CMIP: variants seen among roughly 807,000 people sequenced by gnomAD.
CMIP encodes the protein C-Maf-inducing protein.
Under a neutral mutation model 97.3 loss-of-function variants are expected in CMIP, and 13 were observed. The ratio of observed to expected loss-of-function variants is 0.13; its 90% confidence interval spans 0.09 to 0.21. The LOEUF is 0.21. CMIP is among the 10% of genes least tolerant of loss of function. The pLI, the probability that CMIP is intolerant of heterozygous loss-of-function variation, is 1.00. For synonymous variants in CMIP, 538 were observed against 436.3 expected (o/e 1.23, Z -2.91); for missense variants, 847 against 1,024.9 (o/e 0.83, Z 2.37).
chr16:81,576,397 CTG>C (rs899068200), intron 1 of CMIP, among the ~76,000 whole-genome samples: 1 of 152,004 alleles, frequency 6.6e-6, no homozygotes, highest in African/African-American at 2.4e-5. Context: ...GAGCAAGACT[CTG>C]TCTCAAAAAA....
At chr16:81,668,635 G>A (rs1719722457) in intron 7 of CMIP, among the ~76,000 whole-genome samples, 3 of 152,126 alleles carry the variant, frequency 2.0e-5, no homozygotes, top group Non-Finnish European at 4.4e-5. Context: ...TGGTGCAGGC[G>A]CTGCTTTCCC....
chr16:81,579,616 C>A (rs2091260748), intron 1 of CMIP, among the ~76,000 whole-genome samples: 1 of 147,354 alleles, frequency 6.8e-6, no homozygotes, highest in Non-Finnish European at 1.5e-5. Flanking sequence ...CATGGCCCAG[C>A]CCTGCTCCCC....
At chr16:81,641,894 T>G (rs2092310823) in intron 3 of CMIP, among the ~76,000 whole-genome samples, 1 of 152,176 alleles carries the variant, frequency 6.6e-6, no homozygotes, top group Non-Finnish European at 1.5e-5. Flanking sequence ...GATGGTCAGG[T>G]GCTCAGGATC....
At chr16:81,500,922 C>G (rs887002942) in intron 1 of CMIP, among the ~76,000 whole-genome samples, 6 of 152,136 alleles carry the variant, frequency 3.9e-5, no homozygotes, top group African/African-American at 1.2e-4. Context: ...ACGAGTTGAA[C>G]TAACAAGAGA....
intron 9 of CMIP, 78 bp from the exon 10 acceptor site, chr16:81,678,197 A>G: frequency 9.4e-7 from 1 of 1,066,308 alleles, no homozygotes; most frequent in Non-Finnish European, 1.3e-6. Flanking sequence ...GGATTCAGGG[A>G]GGCCTTTAGT....
chr16:81,531,574 C>A (rs1026161452), intron 1 of CMIP, among the ~76,000 whole-genome samples: 3 of 152,246 alleles, frequency 2.0e-5, no homozygotes, highest in Non-Finnish European at 4.4e-5. Flanking sequence ...GAAGTTGGGA[C>A]ACTTGAGGCA....
intron 1 of CMIP, among the ~76,000 whole-genome samples, chr16:81,572,410 A>G (rs2091108817): frequency 6.6e-6 from 1 of 152,164 alleles, no homozygotes; most frequent in Non-Finnish European, 1.5e-5. Flanking sequence ...GCGAGGTTGG[A>G]TTACATGAGA....
chr16:81,470,269 C>T (rs1446820587), intron 1 of CMIP, among the ~76,000 whole-genome samples: 1 of 152,240 alleles, frequency 6.6e-6, no homozygotes, highest in Non-Finnish European at 1.5e-5. Context: ...GAGAGAGCCC[C>T]AGCGGTTCAA....
intron 1 of CMIP, among the ~76,000 whole-genome samples, chr16:81,537,309 C>T (rs765184099): frequency 8.6e-5 from 13 of 151,450 alleles, no homozygotes; most frequent in Admixed American, 2.6e-4. Flanking sequence ...CCGAGGTGGG[C>T]GGATCACTTG....
rs1030871627 is a variant in CMIP at position 81,706,948 on chromosome 16, G to A, written c.2198-66G>A. 5 of 1,415,434 alleles carry A rather than the reference G, an allele frequency of 3.5e-6. No homozygotes were observed. The Admixed American group carries it at 5.2e-5, about 15-fold the overall frequency. The allele number at this position is 1,415,434 out of a possible 1,614,324, so 87.7% of individuals were successfully genotyped here. ...ACCTGCATTGAGCTCCTCCAGCTTG[G>A]CCATCCCATACCTTCATACCTTTGG... On this transcript the variant is annotated intron_variant, in intron 19 of 20. Coordinates refer to ENST00000537098, the MANE Select transcript of CMIP (RefSeq NM_198390.3).
intron 7 of CMIP, 140 bp from the exon 8 acceptor site, chr16:81,670,002 G>A: frequency 1.4e-6 from 1 of 708,704 alleles, no homozygotes; most frequent in Non-Finnish European, 2.3e-6. Context: ...CTTTCCAGAG[G>A]GTTGGTGTCT....
chr16:81,600,474 A>T (rs560518915), intron 1 of CMIP, among the ~76,000 whole-genome samples: 51 of 152,170 alleles, frequency 3.4e-4, no homozygotes, highest in Admixed American at 1.8e-3. Flanking sequence ...AGTAAGTGAA[A>T]GGAGCCAGGC....
chr16:81,665,983 C>T (rs546245017), intron 7 of CMIP: 18 of 152,312 alleles, frequency 1.2e-4, no homozygotes, highest in African/African-American at 4.1e-4. Flanking sequence ...TTCTGAGCCC[C>T]TCCTAGATTT....
chr16:81,603,440 C>T (rs773944930), intron 1 of CMIP: 14 of 454,368 alleles, frequency 3.1e-5, no homozygotes, highest in South Asian at 4.7e-5. Context: ...TATAGGAAAG[C>T]GACGAGGATA....
chr16:81,518,335 T>C (rs2089955103), intron 1 of CMIP: 1 of 152,268 alleles, frequency 6.6e-6, no homozygotes, highest in Non-Finnish European at 1.5e-5. Context: ...GAGAGAGGGA[T>C]GTCGGGACCG....
chr16:81,693,176 G>T lies in CMIP; in HGVS notation c.1473G>T (p.Lys491Asn), dbSNP rs755333065. The T allele has an allele frequency of 1.2e-6, 2 of 1,613,190 alleles. No homozygotes were observed. Among genetic ancestry groups the T allele is most frequent in the South Asian group, 2.2e-5 (2 of 90,942 alleles). Residue 491 changes from lysine to asparagine, a missense_variant, in exon 12 of 21, where the codon AAG becomes AAT. Lys to Asn is a moderately conservative substitution (Grantham distance 94, BLOSUM62 0). This residue lies in a region of CMIP where 266 missense variants were observed against 384.2 expected (regional missense o/e 0.69). Transcript: ENST00000537098. ...PFPKEALAHE[K>N]FTKELKYVIQ... ...GTTGCAGAGCTCTCGCACATGAGAA[G>T]TTCACCAAGTGAGTGTCTGGGCACC...
intron 1 of CMIP, among the ~76,000 whole-genome samples, chr16:81,522,307 G>T (rs541599217): frequency 9.2e-5 from 14 of 152,278 alleles, no homozygotes; most frequent in African/African-American, 3.4e-4. Context: ...GATTGACACA[G>T]GAGGGACACA....
chr16:81,593,008 T>G (rs1054567222), intron 1 of CMIP, among the ~76,000 whole-genome samples: 2 of 152,236 alleles, frequency 1.3e-5, no homozygotes, highest in African/African-American at 4.8e-5. Context: ...CAGATTTTCA[T>G]CCCTCTTCTC....
At chr16:81,646,286 G>C (rs1356239643) in intron 3 of CMIP, among the ~76,000 whole-genome samples, 2 of 151,674 alleles carry the variant, frequency 1.3e-5, no homozygotes, top group African/African-American at 4.9e-5. Flanking sequence ...ATGGGTGGGT[G>C]GTTGGGCAGA....
Sources: allele counts gnomAD v4.1 joint callset (sites outside exome capture counted in the v4.1 genomes callset), GRCh38; gene constraint gnomAD v4.1.1; regional missense constraint gnomAD v4.1.1; transcripts MANE v1.5; gene names NCBI Gene and HGNC (gene_info 2026-07-23, HGNC 2026-07-21).